Variants in FOXP2 observed in about 807,000 individuals in gnomAD.
The protein encoded by FOXP2 is forkhead box P2.
In FOXP2, 12 loss-of-function variants were observed where a neutral mutation model predicts 115.8. That is an observed-to-expected ratio of 0.10 (90% confidence interval 0.07 to 0.17). The LOEUF (loss-of-function observed/expected upper bound fraction) is 0.17. Ranked by LOEUF, FOXP2 falls within the 10% of genes least tolerant of loss-of-function variation. The probability of loss-of-function intolerance (pLI) is 1.00; values close to 1 mark genes in which losing one functional copy is unlikely to be tolerated. For missense variants in FOXP2, 629 were observed against 843.5 expected (o/e 0.75, Z 3.15); for synonymous variants, 328 against 297.7 (o/e 1.10, Z -1.05).
intron 3 of FOXP2, among the ~76,000 whole-genome samples, chr7:114,580,482 A>T (rs1373551510): frequency 6.6e-6 from 1 of 152,074 alleles, no homozygotes; most frequent in Admixed American, 6.5e-5. Flanking sequence ...AGAGGCTGAG[A>T]CAGGAGAATT....
At chr7:114,203,485 A>G (rs898211803) in intron 1 of FOXP2, among the ~76,000 whole-genome samples, 11 of 152,112 alleles carry the variant, frequency 7.2e-5, no homozygotes, top group Non-Finnish European at 1.6e-4. Flanking sequence ...AGTGTGCGCC[A>G]CCAGGCCCAG....
chr7:114,194,668 T>C (rs1057072790), intron 1 of FOXP2, among the ~76,000 whole-genome samples: 7 of 152,148 alleles, frequency 4.6e-5, no homozygotes, highest in African/African-American at 1.7e-4. Flanking sequence ...TTTTTGTTTT[T>C]AATTAAAGCC....
chr7:114,491,799 TGGATTCG>T (rs1261651642), intron 2 of FOXP2, among the ~76,000 whole-genome samples: 3 of 152,320 alleles, frequency 2.0e-5, no homozygotes, highest in African/African-American at 7.2e-5. Flanking sequence ...GATGTGCTGC[TGGATTCG>T]GTTTGCCAGT....
In FOXP2 at chr7:114,414,869, CTCTCTCTCTGTCTT is replaced by C; in HGVS notation, c.-492_-479del. The C allele has an allele frequency of 2.9e-6, 1 of 340,046 alleles. No homozygotes were observed. The highest frequency in any genetic ancestry group is 7.6e-5 in the East Asian group (1 of 13,120). 21.1% of individuals were successfully genotyped at this position (340,046 alleles called of 1,614,324 possible). Reference sequence around the variant, plus strand: ...GAGACTCAAACTGGTGCTTTTGTCTCTCTCTCTCTGTCTTTCTCTCTCTCACACACACACTCACA... The same window carrying C: ...GAGACTCAAACTGGTGCTTTTGTCTCTCTCTCTCTCACACACACACTCACA... On this transcript the variant is annotated 5_prime_UTR_variant, in exon 1 of 17. It removes the in-frame stop codon of an upstream open reading frame in the 5' UTR. Transcript: ENST00000350908.
intron 2 of FOXP2, among the ~76,000 whole-genome samples, chr7:114,521,229 G>A (rs1265632204): frequency 6.6e-6 from 1 of 151,930 alleles, no homozygotes; most frequent in Non-Finnish European, 1.5e-5. Context: ...ATGGATAATT[G>A]AGTCTGAAAA....
At chr7:114,689,680 T>G in intron 16 of FOXP2, 102 bp from the exon 17 acceptor site, 1 of 1,136,920 alleles carries the variant, frequency 8.8e-7, no homozygotes, top group South Asian at 1.3e-5. Flanking sequence ...GACAATGTTG[T>G]GTCTTCTTGC....
At position 114,664,269 on chromosome 7, in the gene FOXP2, C is replaced by G; in HGVS notation, c.1840-4C>G. On this transcript the variant is annotated splice_region_variant and splice_polypyrimidine_tract_variant and intron_variant, in intron 15 of 16. Coordinates refer to ENST00000350908, the MANE Select transcript of FOXP2 (RefSeq NM_014491.4). Reference sequence around the variant, plus strand: ...GTTGTTTTACACAATCTTCATTTCACTAGGCTGCCTTGGCAGAGAGCAGTT... The same window carrying G: ...GTTGTTTTACACAATCTTCATTTCAGTAGGCTGCCTTGGCAGAGAGCAGTT... 1 of 1,612,746 alleles carries G rather than the reference C, an allele frequency of 6.2e-7. No individual in the cohort carries two copies. Among genetic ancestry groups the G allele is most frequent in the Non-Finnish European group, 8.5e-7 (1 of 1,179,532 alleles).
intron 1 of FOXP2, among the ~76,000 whole-genome samples, chr7:114,202,455 A>G (rs558991666): frequency 6.6e-6 from 1 of 152,328 alleles, no homozygotes; most frequent in South Asian, 2.1e-4. Context: ...TTCACACCTG[A>G]ACACTGCATC....
rs967215700 is a variant in FOXP2, at chr7:114,664,193, C to G, written c.1840-80C>G. The G allele has an allele frequency of 4.2e-6, 6 of 1,422,908 alleles. No homozygotes were observed. The African/African-American group carries it at 7.1e-5, about 17-fold the overall frequency. The allele number at this position is 1,422,908 out of a possible 1,614,324, so 88.1% of individuals were successfully genotyped here. A position where few individuals can be genotyped will look rare whatever the true frequency, so the allele number is the denominator to read the frequency against. ...AAATATCTATTTCCTTATTGGAACC[C>G]ATTAAAAGAAGATACATGTTTTAAA... On this transcript the variant is annotated intron_variant, in intron 15 of 16. Transcript: ENST00000350908.
At chr7:114,599,436 T>C (rs541562350) in intron 3 of FOXP2, among the ~76,000 whole-genome samples, 63 of 152,266 alleles carry the variant, frequency 4.1e-4, no homozygotes, top group Middle Eastern at 6.8e-3. Context: ...TCTTAAACTT[T>C]GGAAGAATTC....
chr7:114,531,821 T>TA (rs1799157717), intron 2 of FOXP2, among the ~76,000 whole-genome samples: 3 of 152,126 alleles, frequency 2.0e-5, no homozygotes, highest in African/African-American at 7.2e-5. Flanking sequence ...ACTAACAGTG[T>TA]AGGTGTATGC....
At chr7:114,382,195 TGTCCAGG>T (rs1792322798) in intron 2 of FOXP2, among the ~76,000 whole-genome samples, 1 of 152,162 alleles carries the variant, frequency 6.6e-6, no homozygotes, top group Non-Finnish European at 1.5e-5. Flanking sequence ...GGAGGACAGT[TGTCCAGG>T]ACAGGAAAGT....
intron 16 of FOXP2, among the ~76,000 whole-genome samples, chr7:114,684,552 GAA>G (rs1488365936): frequency 1.3e-5 from 2 of 152,186 alleles, no homozygotes; most frequent in African/African-American, 2.4e-5. Context: ...ATTAAAGCCT[GAA>G]AGTTTTGAAT....
chr7:114,100,735 CATT>C (rs1371732778), intron 1 of FOXP2, among the ~76,000 whole-genome samples: 2 of 152,112 alleles, frequency 1.3e-5, no homozygotes, highest in African/African-American at 4.8e-5. Context: ...CTTCACTTGT[CATT>C]AGTCCTTTGG....
chr7:114,397,463 T>C (rs1325876999), intron 2 of FOXP2, among the ~76,000 whole-genome samples: 2 of 152,054 alleles, frequency 1.3e-5, no homozygotes, highest in East Asian at 1.9e-4. Flanking sequence ...AAGGGGGTGA[T>C]GGAGGAGCTC....
chr7:114,194,962 A>C (rs1793866581), intron 1 of FOXP2, among the ~76,000 whole-genome samples: 1 of 152,096 alleles, frequency 6.6e-6, no homozygotes. Context: ...ATTTGCCTTA[A>C]TGTATATCAT....
At chr7:114,502,015 A>C (rs1489133098) in intron 2 of FOXP2, among the ~76,000 whole-genome samples, 1 of 152,004 alleles carries the variant, frequency 6.6e-6, no homozygotes, top group African/African-American at 2.4e-5. Context: ...ATAATCTGTG[A>C]ATTGAGGCTT....
At chr7:114,335,717 G>A (rs1797836558) in intron 2 of FOXP2, among the ~76,000 whole-genome samples, 1 of 151,566 alleles carries the variant, frequency 6.6e-6, no homozygotes, top group South Asian at 2.1e-4. Context: ...ATATTTAAAG[G>A]GTTCATTAAT....
At chr7:114,676,779 T>C (rs1807792794) in intron 16 of FOXP2, among the ~76,000 whole-genome samples, 1 of 152,224 alleles carries the variant, frequency 6.6e-6, no homozygotes, top group Non-Finnish European at 1.5e-5. Flanking sequence ...GGGAACTGCC[T>C]GCAATTAGTA....
Sources: gnomAD v4.1 joint callset for allele counts (sites outside exome capture counted in the v4.1 genomes callset) on GRCh38, gnomAD v4.1.1 for gene constraint, MANE v1.5 for transcripts, NCBI Gene and HGNC (gene_info 2026-07-23, HGNC 2026-07-21) for gene names.